Variants in BANK1 observed in about 807,000 individuals in gnomAD.
BANK1 encodes B-cell scaffold protein with ankyrin repeats.
BANK1 carries 95 observed loss-of-function variants against 94.5 expected under a neutral mutation model. That is an observed-to-expected ratio of 1.00 (90% CI 0.85 to 1.19). The LOEUF (loss-of-function observed/expected upper bound fraction) is 1.19, where lower values mean the gene tolerates loss of function less well. BANK1 is among the 50% of genes most tolerant of loss of function. BANK1 has a pLI of 0.00. For synonymous variants in BANK1, 334 were observed against 308.4 expected, an observed-to-expected ratio of 1.08 and a Z score of -0.87; for missense variants, 987 against 932.2, an observed-to-expected ratio of 1.06 and a Z score of -0.77.
At chr4:101,830,653 A>C (rs767423808) in intron 2 of BANK1, among the ~76,000 whole-genome samples, 10 of 152,230 alleles carry the variant, frequency 6.6e-5, no homozygotes, top group Admixed American at 1.3e-4. Flanking sequence ...TAACCTTTAG[A>C]TAAAAGAAAA....
At chr4:101,857,971 A>G (rs1727740007) in intron 3 of BANK1, among the ~76,000 whole-genome samples, 2 of 152,272 alleles carry the variant, frequency 1.3e-5, no homozygotes, top group Admixed American at 6.5e-5. Context: ...ATTGACCATG[A>G]GAGATGTGAG....
chr4:101,974,381 A>G (rs752302647), intron 7 of BANK1, among the ~76,000 whole-genome samples: 1 of 152,160 alleles, frequency 6.6e-6, no homozygotes, highest in East Asian at 1.9e-4. Context: ...GCCACATTGG[A>G]TAAAAAGCAG....
intron 1 of BANK1, among the ~76,000 whole-genome samples, chr4:101,825,484 C>G (rs774968561): frequency 1.3e-4 from 20 of 151,976 alleles, no homozygotes; most frequent in Admixed American, 2.6e-4. Flanking sequence ...TTTTATATTT[C>G]AACACAACTT....
chr4:101,897,869 G>GAA (rs1327906263), intron 6 of BANK1, among the ~76,000 whole-genome samples: 7 of 151,268 alleles, frequency 4.6e-5, no homozygotes, highest in Non-Finnish European at 1.0e-4. Flanking sequence ...TTTTGACACA[G>GAA]AAAAAAATAT....
chr4:101,847,062 A>G (rs1339970460), intron 2 of BANK1, among the ~76,000 whole-genome samples: 1 of 152,144 alleles, frequency 6.6e-6, no homozygotes, highest in Non-Finnish European at 1.5e-5. Flanking sequence ...TTAGATTGCA[A>G]GTCGTATGAA....
intron 1 of BANK1, among the ~76,000 whole-genome samples, chr4:101,802,230 T>G (rs758037924): frequency 1.3e-5 from 2 of 152,224 alleles, no homozygotes; most frequent in African/African-American, 4.8e-5. Flanking sequence ...CTTAATGATT[T>G]TTGTGATGAA....
At chr4:102,062,445 G>A (rs1436984473) in intron 12 of BANK1, 2 of 152,202 alleles carry the variant, frequency 1.3e-5, no homozygotes, top group Non-Finnish European at 2.9e-5. Flanking sequence ...AAATCCTGAG[G>A]AAAGAGTGCT....
chr4:102,029,601 A>G (rs1290696450), intron 9 of BANK1, among the ~76,000 whole-genome samples: 1 of 148,298 alleles, frequency 6.7e-6, no homozygotes, highest in Non-Finnish European at 1.5e-5. Context: ...ATGAAATAAT[A>G]TATAAAAATA....
chr4:101,960,430 TCA>T (rs1454920224), intron 7 of BANK1, among the ~76,000 whole-genome samples: 1 of 152,080 alleles, frequency 6.6e-6, no homozygotes, highest in East Asian at 1.9e-4. Flanking sequence ...ATGCTAGAAG[TCA>T]CAATGAATTC....
chr4:101,831,701 C>G (rs985779338), intron 2 of BANK1, among the ~76,000 whole-genome samples: 5 of 152,192 alleles, frequency 3.3e-5, no homozygotes, highest in Admixed American at 3.3e-4. Context: ...TCTCAAACTC[C>G]TAACCTCAAG....
chr4:101,904,636 G>A (rs578226091), intron 6 of BANK1, among the ~76,000 whole-genome samples: 1 of 152,156 alleles, frequency 6.6e-6, no homozygotes, highest in Non-Finnish European at 1.5e-5. Flanking sequence ...TTCATGCATT[G>A]TATGTTGACT....
chr4:101,845,632 T>C (rs570052625), intron 2 of BANK1, among the ~76,000 whole-genome samples: 15 of 152,308 alleles, frequency 9.8e-5, no homozygotes, highest in African/African-American at 3.4e-4. Flanking sequence ...ATTGACAACA[T>C]ATAGCTGCCT....
chr4:101,857,756 T>A (rs760843172), intron 3 of BANK1, among the ~76,000 whole-genome samples: 14 of 152,228 alleles, frequency 9.2e-5, no homozygotes, highest in Non-Finnish European at 1.6e-4. Flanking sequence ...ATTGTCCTAT[T>A]TATGTAAGTT....
At chr4:101,904,110 G>A (rs1722368455) in intron 6 of BANK1, among the ~76,000 whole-genome samples, 2 of 152,220 alleles carry the variant, frequency 1.3e-5, no homozygotes, top group Admixed American at 1.3e-4. Flanking sequence ...GCAGGCTACA[G>A]GTTGTTTACT....
chr4:101,840,233 G>T (rs1726994381), intron 2 of BANK1, among the ~76,000 whole-genome samples: 2 of 151,680 alleles, frequency 1.3e-5, no homozygotes, highest in African/African-American at 2.4e-5. Flanking sequence ...CTCCCGAAGT[G>T]CTGGCATCAC....
rs543711579 is a variant in BANK1 at position 102,067,526 on chromosome 4, GAC to G, written c.2213-3747_2213-3746del. On this transcript the variant is annotated intron_variant, in intron 13 of 16. Coordinates refer to ENST00000322953, the MANE Select transcript of BANK1 (RefSeq NM_017935.5). The stretch of plus-strand genomic sequence containing the variant: ...AGCTGGCATGGCTATATCAATGTAA[GAC>G]AAGATAAATTTCAAAATAGAGAGTA... 1.6e-3 allele frequency among the ~76,000 whole-genome samples: 236 copies of G among 151,952 alleles called. 1 individual carries two copies. The highest frequency in any genetic ancestry group is 2.8e-3 in the Non-Finnish European group (190 of 67,884).
At chr4:101,798,019 C>T (rs1322982400) in intron 1 of BANK1, among the ~76,000 whole-genome samples, 3 of 152,006 alleles carry the variant, frequency 2.0e-5, no homozygotes, top group South Asian at 2.1e-4. Flanking sequence ...AGAAGGAAAA[C>T]GAAGATACAG....
chr4:102,010,065 G>C (rs536423153), intron 7 of BANK1, among the ~76,000 whole-genome samples: 4 of 152,032 alleles, frequency 2.6e-5, no homozygotes, highest in South Asian at 4.2e-4. Context: ...AGGAGATCGA[G>C]ACCATCCTGG....
chr4:101,947,102 T>C (rs1449341602), intron 7 of BANK1, among the ~76,000 whole-genome samples: 3 of 151,504 alleles, frequency 2.0e-5, no homozygotes, highest in Non-Finnish European at 4.4e-5. Flanking sequence ...GACTAAGCAT[T>C]TCTGCAATGT....
Sources: allele counts gnomAD v4.1 joint callset (sites outside exome capture counted in the v4.1 genomes callset), GRCh38; gene constraint gnomAD v4.1.1; transcripts MANE v1.5; gene names NCBI Gene and HGNC (gene_info 2026-07-23, HGNC 2026-07-21).